The following PHF20L1 variants were observed in gnomAD, a reference collection of about 807,000 sequenced individuals.
PHF20L1 encodes the protein PHD finger protein 20 like 1.
Under a neutral mutation model 125.5 loss-of-function variants are expected in PHF20L1, and 44 were observed. That is an observed-to-expected ratio of 0.35 (90% CI 0.28 to 0.45). The LOEUF (loss-of-function observed/expected upper bound fraction) is 0.45, where lower values mean the gene tolerates loss of function less well. Ranked by LOEUF, PHF20L1 falls within the 20% of genes least tolerant of loss-of-function variation. PHF20L1 has a pLI of 1.00. For missense variants in PHF20L1, 1,012 were observed against 1,217.2 expected, an observed-to-expected ratio of 0.83 and a Z score of 2.51; for synonymous variants, 380 against 403.1, an observed-to-expected ratio of 0.94 and a Z score of 0.69.
chr8:132,794,793 A>C lies in PHF20L1; in HGVS notation c.316A>C (p.Lys106Gln). The C allele has an allele frequency of 6.2e-7, 1 of 1,610,992 alleles. No individual in the cohort carries two copies. ...RWTDCRYYPA[K>Q]IEAINKEGTF... ...GACAGACTGTCGCTATTACCCTGCC[A>C]AGATTGAAGCAATTAACAAAGAAGG... Residue 106 changes from lysine to glutamine, a missense_variant, in exon 4 of 21, where the codon AAG becomes CAG. Coordinates refer to ENST00000395386, the MANE Select transcript of PHF20L1 (RefSeq NM_016018.5).
rs1367008440 is a variant in PHF20L1, at chr8:132,825,245, A to G, written c.1637-19A>G. 3 of 1,592,632 alleles carry G rather than the reference A, an allele frequency of 1.9e-6. No homozygotes were observed. The highest frequency in any genetic ancestry group is 2.6e-6 in the Non-Finnish European group (3 of 1,167,184). ...CAGGATCAGTCGTGATTGCTAAAGT[A>G]TTCACTTTTATCTTTTAGGTAAGAG... is the stretch of plus-strand genomic sequence containing the variant. On this transcript the variant is annotated intron_variant, in intron 13 of 20. Transcript: ENST00000395386.
chr8:132,794,751 G>C lies in PHF20L1; in HGVS notation c.274G>C (p.Glu92Gln). The C allele has an allele frequency of 6.2e-7, 1 of 1,612,430 alleles. No homozygotes were observed. Among genetic ancestry groups the C allele is most frequent in the Admixed American group, 1.7e-5 (1 of 59,904 alleles). The change falls in exon 4 of 21, where the codon GAA becomes CAA. Residue 92 changes from glutamate to glutamine, a missense_variant. Around this residue, in one of 7 missense-constraint regions of PHF20L1, gnomAD observed 94 missense variants for 179.5 expected, o/e 0.52. Coordinates refer to ENST00000395386, the MANE Select transcript of PHF20L1 (RefSeq NM_016018.5). ...EDFFDFKAGE[E>Q]VLARWTDCRY... is the part of the protein sequence containing the mutation. ...AAAATAGGATTTTAAAGCTGGAGAA[G>C]AAGTTCTGGCTCGTTGGACAGACTG...
At chr8:132,791,341 C>T (rs184187430) in intron 2 of PHF20L1, among the ~76,000 whole-genome samples, 1 of 150,968 alleles carries the variant, frequency 6.6e-6, no homozygotes, top group East Asian at 2.0e-4. Flanking sequence ...GCAACCTCTG[C>T]CTCCCGGGTT....
intron 2 of PHF20L1, among the ~76,000 whole-genome samples, chr8:132,781,584 A>G (rs1446122843): frequency 1.3e-5 from 2 of 151,840 alleles, no homozygotes; most frequent in Non-Finnish European, 2.9e-5. Context: ...GCACGCCACC[A>G]TGCCCAGCTA....
At position 132,794,388 on chromosome 8, in the gene PHF20L1, A is replaced by G. The variant is rs753595952; in HGVS notation, c.84-22A>G. The G allele has an allele frequency of 4.0e-6, 6 of 1,494,176 alleles. No homozygotes were observed. In the African/African-American group the frequency reaches 5.5e-5, roughly 14 times the overall value. 92.6% of individuals were successfully genotyped at this position (1,494,176 alleles called of 1,614,324 possible). A position where few individuals can be genotyped will look rare whatever the true frequency, so the allele number is the denominator to read the frequency against. ...ACAAATATAAGGATTTTCTCTTTATATGAAGCATTTTGATTTTTGAGGTAT... is the reference window on the plus strand; with the variant it reads ...ACAAATATAAGGATTTTCTCTTTATGTGAAGCATTTTGATTTTTGAGGTAT... On this transcript the variant is annotated intron_variant, in intron 2 of 20. Transcript: ENST00000395386.
rs1431566591 is a variant in PHF20L1 at position 132,811,107 on chromosome 8, A to G, written c.909A>G (p.Glu303=). The part of the protein sequence containing the change: ...DGAEKKEDYN[E]TAPMLEQAIS... ...CTGAAAAAAAGGAAGACTACAATGA[A>G]ACAGCTCCAATGCTGGAGCAGGTAT... The change falls in exon 9 of 21, where the codon GAA becomes GAG. Residue 303 remains glutamate, a synonymous_variant. Transcript: ENST00000395386. The G allele has an allele frequency of 1.2e-6, 2 of 1,613,180 alleles. No individual in the cohort carries two copies. The highest frequency in any genetic ancestry group is 2.7e-5 in the African/African-American group (2 of 74,890).
chr8:132,824,242 A>T (rs976913123), intron 13 of PHF20L1, 182 bp downstream of exon 13: 1 of 412,350 alleles, frequency 2.4e-6, no homozygotes, highest in Non-Finnish European at 4.4e-6. Context: ...ATCTTGTTTT[A>T]TATGTAACTT....
rs76850451 is a variant in PHF20L1, at chr8:132,802,492, A to C, written c.508-1327A>C. Among the ~76,000 whole-genome samples the C allele has an allele frequency of 2.0e-5, 3 of 151,758 alleles. No individual in the cohort carries two copies. In the East Asian group the frequency reaches 5.8e-4, roughly 29 times the overall value. On this transcript the variant is annotated intron_variant, in intron 6 of 20. Coordinates refer to ENST00000395386, the MANE Select transcript of PHF20L1 (RefSeq NM_016018.5). Reference sequence around the variant, plus strand: ...AGTATTTTGTTTATTTCTCCAGTACATCTCCTGTCGCAGCTTATAGCTAAT... The same window carrying C: ...AGTATTTTGTTTATTTCTCCAGTACCTCTCCTGTCGCAGCTTATAGCTAAT...
Position 132,804,682 on chromosome 8 carries a change from G to A in PHF20L1, c.789G>A (p.Arg263=). Residue 263 remains arginine, a synonymous_variant, in exon 8 of 21, where the codon AGG becomes AGA. Coordinates refer to ENST00000395386, the MANE Select transcript of PHF20L1 (RefSeq NM_016018.5). Reference sequence around the variant, plus strand: ...CAGAGAGCACATTATCAAACAAGAGGAAAAATAATCAAGGCAACTCGTTTC... The same window carrying A: ...CAGAGAGCACATTATCAAACAAGAGAAAAAATAATCAAGGCAACTCGTTTC... ...PQPESTLSNK[R]KNNQGNSFQA... The A allele has an allele frequency of 6.2e-7, 1 of 1,609,706 alleles. No homozygotes were observed. Among genetic ancestry groups the A allele is most frequent in the Non-Finnish European group, 8.5e-7 (1 of 1,177,018 alleles).
rs16904735 is a variant in PHF20L1 at position 132,787,493 on chromosome 8, G to C, written c.84-6917G>C. 8.8e-3 allele frequency among the ~76,000 whole-genome samples: 1,342 copies of C among 152,074 alleles called. 39 individuals carry two copies. Among genetic ancestry groups the C allele is most frequent in the East Asian group, 0.087 (452 of 5,186 alleles). On this transcript the variant is annotated intron_variant, in intron 2 of 20. Coordinates refer to ENST00000395386, the MANE Select transcript of PHF20L1 (RefSeq NM_016018.5). ...AAAGGCCTGAGAAATAATGTGATGAGGTTCTTAAACTTCAGTGTTGGAGAA... is the reference window on the plus strand; with the variant it reads ...AAAGGCCTGAGAAATAATGTGATGACGTTCTTAAACTTCAGTGTTGGAGAA...
intron 18 of PHF20L1, among the ~76,000 whole-genome samples, chr8:132,840,936 T>C (rs1837868483): frequency 6.6e-6 from 1 of 152,124 alleles, no homozygotes; most frequent in South Asian, 2.1e-4. Flanking sequence ...AGTAACTATT[T>C]GTTGAATAAA....
chr8:132,810,706 AT>A, intron 8 of PHF20L1: 1 of 196,310 alleles, frequency 5.1e-6, no homozygotes, highest in African/African-American at 2.4e-5. Context: ...CAAAACCTGT[AT>A]TATAAGTATT....
intron 2 of PHF20L1, chr8:132,788,930 A>G (rs1831361539): frequency 6.6e-6 from 1 of 152,112 alleles, no homozygotes; most frequent in South Asian, 2.1e-4. Flanking sequence ...AAGAATACCC[A>G]TATACATCTA....
At chr8:132,794,369 A>G (rs761425741) in intron 2 of PHF20L1, 41 bp from the exon 3 acceptor site, 5 of 1,283,484 alleles carry the variant, frequency 3.9e-6, no homozygotes, top group East Asian at 4.6e-5. Flanking sequence ...ATAAACAAAT[A>G]TAAGGATTTT....
intron 9 of PHF20L1, chr8:132,813,264 C>CT: frequency 4.7e-6 from 1 of 212,426 alleles, no homozygotes; most frequent in Non-Finnish European, 8.1e-6. Flanking sequence ...TATGAAGTAC[C>CT]TTTTCAAATA....
At chr8:132,836,377 T>TG in intron 15 of PHF20L1, 163 bp from the exon 16 acceptor site, 1 of 508,618 alleles carries the variant, frequency 2.0e-6, no homozygotes, top group Non-Finnish European at 3.4e-6. Flanking sequence ...AAATCTTTTG[T>TG]TTCCATGTCC....
chr8:132,835,775 A>T (rs553989906), intron 15 of PHF20L1, among the ~76,000 whole-genome samples: 2 of 152,234 alleles, frequency 1.3e-5, no homozygotes, highest in East Asian at 1.9e-4. Flanking sequence ...CCTGGTATTC[A>T]GTTGGTTTTC....
intron 12 of PHF20L1, among the ~76,000 whole-genome samples, chr8:132,822,622 T>TG (rs1299637962): frequency 6.6e-6 from 1 of 152,034 alleles, no homozygotes. Context: ...ACAGAAGGGA[T>TG]GCATTTCTTC....
At position 132,825,381 on chromosome 8, in the gene PHF20L1, C is replaced by G; in HGVS notation, c.1744+10C>G. Reference sequence around the variant, plus strand: ...AAATCTAAGCAACATGGTAAGTACACTGAGATGATTATTCCCTCTTTTTTT... The same window carrying G: ...AAATCTAAGCAACATGGTAAGTACAGTGAGATGATTATTCCCTCTTTTTTT... On this transcript the variant is annotated intron_variant, in intron 14 of 20. Coordinates refer to ENST00000395386, the MANE Select transcript of PHF20L1 (RefSeq NM_016018.5). The G allele has an allele frequency of 4.7e-6, 7 of 1,477,348 alleles. No homozygotes were observed. The highest frequency in any genetic ancestry group is 6.3e-6 in the Non-Finnish European group (7 of 1,110,056). 91.5% of individuals were successfully genotyped at this position (1,477,348 alleles called of 1,614,324 possible).
Sources: gnomAD v4.1 joint callset for allele counts (sites outside exome capture counted in the v4.1 genomes callset) on GRCh38, gnomAD v4.1.1 for gene constraint, gnomAD v4.1.1 regional missense constraint, MANE v1.5 for transcripts, NCBI Gene and HGNC (gene_info 2026-07-23, HGNC 2026-07-21) for gene names.